Variants in ADRA1B observed in about 807,000 individuals in gnomAD.
ADRA1B encodes the protein alpha-1B adrenergic receptor.
In ADRA1B, 17 loss-of-function variants were observed where a neutral mutation model predicts 17.9. That is an observed-to-expected ratio of 0.95 (90% CI 0.65 to 1.42). The LOEUF is 1.42. ADRA1B is among the 40% of genes most tolerant of loss of function. The probability of loss-of-function intolerance (pLI) is 0.00; values close to 1 mark genes in which losing one functional copy is unlikely to be tolerated. For synonymous variants in ADRA1B, 366 were observed against 327.6 expected, an observed-to-expected ratio of 1.12 and a Z score of -1.27; for missense variants, 681 against 722.1, an observed-to-expected ratio of 0.94 and a Z score of 0.65.
intron 1 of ADRA1B, among the ~76,000 whole-genome samples, chr5:159,945,752 GTTTT>G (rs70987985): frequency 6.9e-5 from 10 of 145,300 alleles, no homozygotes; most frequent in Admixed American, 2.7e-4. Context: ...TTGTTTGTTT[GTTTT>G]TTTTTTTTTG....
chr5:159,944,172 A>G (rs774221335), intron 1 of ADRA1B, among the ~76,000 whole-genome samples: 2 of 152,122 alleles, frequency 1.3e-5, no homozygotes, highest in Non-Finnish European at 2.9e-5. Flanking sequence ...TTTTTTAACA[A>G]AACTCTTCTA....
chr5:159,917,229 C>T lies in ADRA1B; in HGVS notation c.324C>T (p.Leu108=), dbSNP rs200893095. Residue 108 remains leucine (L), a synonymous_variant, in exon 1 of 2, where the codon CTC becomes CTT. Transcript: ENST00000306675. ...VLPFSAALEV[L]GYWVLGRIFC... ...CCTTCTCAGCGGCCCTAGAGGTGCT[C>T]GGCTACTGGGTGCTGGGGCGGATCT... 9.5e-5 allele frequency: 154 copies of T among 1,614,134 alleles called. No homozygotes were observed. Among genetic ancestry groups the T allele is most frequent in the Admixed American group, 1.8e-4 (11 of 60,026 alleles).
At chr5:159,926,440 T>C (rs1236547002) in intron 1 of ADRA1B, among the ~76,000 whole-genome samples, 3 of 152,204 alleles carry the variant, frequency 2.0e-5, no homozygotes, top group African/African-American at 7.2e-5. Context: ...TCAAATTGTC[T>C]TCTTGTCCTT....
intron 1 of ADRA1B, among the ~76,000 whole-genome samples, chr5:159,954,641 G>A (rs1210309343): frequency 6.6e-6 from 1 of 152,302 alleles, no homozygotes; most frequent in Non-Finnish European, 1.5e-5. Context: ...AAGGAAGGTA[G>A]TGTCCCTGCC....
intron 1 of ADRA1B, among the ~76,000 whole-genome samples, chr5:159,963,306 A>ATATATATATATATC (rs1561610064): frequency 1.3e-5 from 2 of 150,158 alleles, no homozygotes; most frequent in African/African-American, 4.9e-5. Context: ...ATATATATAT[A>ATATATATATATATC]TATCCACACA....
chr5:159,917,001 G>A lies in ADRA1B; in HGVS notation c.96G>A (p.Ser32=), dbSNP rs1375667431. 1.2e-6 allele frequency: 2 copies of A among 1,614,082 alleles called. No homozygotes were observed. Among genetic ancestry groups the A allele is most frequent in the East Asian group, 2.2e-5 (1 of 44,874 alleles). ...NANFTGPNQT[S]SNSTLPQLDI... ...ACTTCACTGGCCCCAACCAGACCTC[G>A]AGCAACTCCACACTGCCCCAGCTGG... Residue 32 remains serine, a synonymous_variant, in exon 1 of 2, where the codon TCG becomes TCA. Transcript: ENST00000306675.
chr5:159,873,587 G>A (rs760801657), intron 1 of ADRA1B, among the ~76,000 whole-genome samples: 42 of 152,206 alleles, frequency 2.8e-4, no homozygotes, highest in African/African-American at 7.7e-4. Flanking sequence ...CCCAAGTGCC[G>A]ATCCCTAACA....
chr5:159,898,877 G>T (rs750277368), intron 1 of ADRA1B, among the ~76,000 whole-genome samples: 1 of 152,176 alleles, frequency 6.6e-6, no homozygotes, highest in Non-Finnish European at 1.5e-5. Context: ...CAGGAGCAAT[G>T]GTTCATGCCT....
the ADRA1B span, among the ~76,000 whole-genome samples, chr5:159,978,781 A>G: frequency 6.6e-6 from 1 of 152,220 alleles, no homozygotes; most frequent in Non-Finnish European, 1.5e-5. Flanking sequence ...GGAAAACGCT[A>G]AAACCTAGTG....
At chr5:159,928,229 C>G (rs1754713434) in intron 1 of ADRA1B, among the ~76,000 whole-genome samples, 1 of 152,082 alleles carries the variant, frequency 6.6e-6, no homozygotes, top group Non-Finnish European at 1.5e-5. Context: ...ACTTGTAAGG[C>G]TGGAATCAGT....
At chr5:159,875,436 A>G (rs537296359) in intron 1 of ADRA1B, among the ~76,000 whole-genome samples, 5 of 152,298 alleles carry the variant, frequency 3.3e-5, no homozygotes, top group African/African-American at 1.2e-4. Context: ...GAAACTCTGG[A>G]GTTAAACCCA....
chr5:159,986,631 C>T, the ADRA1B span, among the ~76,000 whole-genome samples: 4 of 152,112 alleles, frequency 2.6e-5, no homozygotes, highest in Non-Finnish European at 5.9e-5. Context: ...CCCCGTCTAA[C>T]GGATTTAGCA....
chr5:159,907,955 T>TCACACACACACACACACA (rs371637793), intron 1 of ADRA1B, among the ~76,000 whole-genome samples: 17 of 146,932 alleles, frequency 1.2e-4, no homozygotes, highest in African/African-American at 4.3e-4. Flanking sequence ...TCTCTCTCTG[T>TCACACACACACACACACA]CACACACACA....
chr5:159,983,644 C>T, the ADRA1B span, among the ~76,000 whole-genome samples: 1 of 152,134 alleles, frequency 6.6e-6, no homozygotes, highest in African/African-American at 2.4e-5. Flanking sequence ...GTGTCTGCTG[C>T]ATTAGTGACT....
chr5:159,900,711 C>A (rs141706927), intron 1 of ADRA1B, among the ~76,000 whole-genome samples: 113 of 152,364 alleles, frequency 7.4e-4, no homozygotes, highest in African/African-American at 2.4e-3. Context: ...GCCATACCCC[C>A]CACTGAGCAA....
intron 1 of ADRA1B, among the ~76,000 whole-genome samples, chr5:159,962,649 T>C (rs1003534588): frequency 3.4e-5 from 5 of 148,954 alleles, no homozygotes; most frequent in African/African-American, 1.2e-4. Flanking sequence ...ACGCACAGCA[T>C]CTTTTGGCTT....
intron 1 of ADRA1B, chr5:159,947,780 T>G: frequency 1.0e-6 from 1 of 985,428 alleles, no homozygotes. Flanking sequence ...CTCTCCAGCC[T>G]AGAGTCTGGC....
intron 1 of ADRA1B, among the ~76,000 whole-genome samples, chr5:159,879,896 T>C (rs972681704): frequency 5.3e-5 from 8 of 152,114 alleles, no homozygotes; most frequent in African/African-American, 1.9e-4. Flanking sequence ...CTCATGAGGC[T>C]GAGGCAGAAG....
chr5:159,949,407 A>G (rs1216204775), intron 1 of ADRA1B, among the ~76,000 whole-genome samples: 1 of 152,180 alleles, frequency 6.6e-6, no homozygotes, highest in Non-Finnish European at 1.5e-5. Context: ...TGAAAATCTG[A>G]GGGAAGCTAT....
Sources: allele counts gnomAD v4.1 joint callset (sites outside exome capture counted in the v4.1 genomes callset), GRCh38; gene constraint gnomAD v4.1.1; transcripts MANE v1.5; gene names NCBI Gene and HGNC (gene_info 2026-07-23, HGNC 2026-07-21).